COL28A1: variants seen among roughly 807,000 people sequenced by gnomAD.
COL28A1 encodes collagen type XXVIII alpha 1 chain, also known as collagen alpha-1(XXVIII) chain.
In COL28A1, 161 loss-of-function variants were observed where a neutral mutation model predicts 150.2. That is an observed-to-expected ratio of 1.07 (90% CI 0.94 to 1.22). The LOEUF is 1.22. Ranked by LOEUF, COL28A1 falls within the 50% of genes most tolerant of loss-of-function variation. The pLI, the probability that COL28A1 is intolerant of heterozygous loss-of-function variation, is 0.00. For synonymous variants in COL28A1, 552 were observed against 469.7 expected, an observed-to-expected ratio of 1.18 and a Z score of -2.26; for missense variants, 1,617 against 1,388.3, an observed-to-expected ratio of 1.16 and a Z score of -2.62.
intron 27 of COL28A1, among the ~76,000 whole-genome samples, chr7:7,405,935 T>C (rs139744014): frequency 6.6e-6 from 1 of 152,158 alleles, no homozygotes; most frequent in Non-Finnish European, 1.5e-5. Flanking sequence ...TACCCTATCA[T>C]GGGGCAAAAC....
chr7:7,532,966 T>G, intron 1 of COL28A1, 54 bp from the exon 2 acceptor site: 1 of 1,392,872 alleles, frequency 7.2e-7, no homozygotes, highest in Non-Finnish European at 9.3e-7. Flanking sequence ...TGTTTGTTAT[T>G]TTTAAATTTC....
chr7:7,365,077 C>T (rs1562469257), intron 33 of COL28A1, among the ~76,000 whole-genome samples: 1 of 152,080 alleles, frequency 6.6e-6, no homozygotes, highest in Admixed American at 6.6e-5. Flanking sequence ...CCAACACAAA[C>T]GACTGGCAGA....
chr7:7,354,564 GGCTTGTGATCA>G (rs1780306682), downstream of COL28A1, among the ~76,000 whole-genome samples: 1 of 152,212 alleles, frequency 6.6e-6, no homozygotes, highest in South Asian at 2.1e-4. Flanking sequence ...TTATTATAAA[GGCTTGTGATCA>G]GCTTGTGACA....
At chr7:7,522,037 A>G (rs763508679) in intron 4 of COL28A1, 76 bp from the exon 5 acceptor site, 1 of 803,114 alleles carries the variant, frequency 1.2e-6, no homozygotes, top group South Asian at 1.4e-5. Context: ...TTGTATTTCA[A>G]ATACATTTCA....
chr7:7,444,417 C>G lies in COL28A1; in HGVS notation c.1581+1G>C. 2.5e-6 allele frequency: 4 copies of G among 1,613,734 alleles called. No individual in the cohort carries two copies. Among genetic ancestry groups the G allele is most frequent in the Non-Finnish European group, 3.4e-6 (4 of 1,179,868 alleles). On this transcript the variant is annotated splice_donor_variant, in intron 19 of 34. Coordinates refer to ENST00000399429, the MANE Select transcript of COL28A1 (RefSeq NM_001037763.3). LOFTEE classifies it high-confidence loss of function. ...CAGTAATACGAAAAACTTGGTGTTA[C>G]CTTCTTCCCTGCAGCTCCATCTTCT...
chr7:7,538,017 G>C (rs1782708118), upstream of COL28A1, among the ~76,000 whole-genome samples: 1 of 152,132 alleles, frequency 6.6e-6, no homozygotes, highest in African/African-American at 2.4e-5. Context: ...GTTGGTGGGA[G>C]GTTGGAGTCC....
chr7:7,340,224 T>C, the COL28A1 span, among the ~76,000 whole-genome samples: 1 of 152,218 alleles, frequency 6.6e-6, no homozygotes, highest in South Asian at 2.1e-4. Flanking sequence ...CGGCCCATTA[T>C]TATTTTTTGG....
intron 3 of COL28A1, among the ~76,000 whole-genome samples, chr7:7,528,743 T>C (rs1322807297): frequency 1.3e-5 from 2 of 152,118 alleles, no homozygotes; most frequent in Admixed American, 6.5e-5. Flanking sequence ...AATGGGGTCT[T>C]ACAAAGAGAT....
rs1438437965 is a variant in COL28A1 at position 7,383,272 on chromosome 7, GTGTGTGTGTGTGTGTGTT to G, written c.2137-1678_2137-1661del. ...TTGTTGTGTGTGTGTGTGTGTGTGTGTGTGTGTGTGTGTGTGTTTTTTTTGAGACAGAGTCTCACTCTG... is the reference window on the plus strand; with the variant it reads ...TTGTTGTGTGTGTGTGTGTGTGTGTGTTTTTTGAGACAGAGTCTCACTCTG... On this transcript the variant is annotated intron_variant, in intron 27 of 34. Transcript: ENST00000399429. Among the ~76,000 whole-genome samples, 4 of 139,084 alleles carry G rather than the reference GTGTGTGTGTGTGTGTGTT, an allele frequency of 2.9e-5. No individual in the cohort carries two copies. The South Asian group carries it at 6.9e-4, about 24-fold the overall frequency. The allele number at this position is 139,084 out of a possible 152,430, so 91.2% of individuals were successfully genotyped here. A position where few individuals can be genotyped will look rare whatever the true frequency, so the allele number is the denominator to read the frequency against.
intron 9 of COL28A1, among the ~76,000 whole-genome samples, chr7:7,509,185 G>C (rs10952060): frequency 0.42 from 63,321 of 151,660 alleles, 14,074 homozygotes; most frequent in African/African-American, 0.58. Flanking sequence ...AACTGGAGTA[G>C]AGTGGCACAA....
chr7:7,356,685 G>T (rs1339022457), downstream of COL28A1: 1 of 151,090 alleles, frequency 6.6e-6, no homozygotes, highest in Non-Finnish European at 1.5e-5. Context: ...ACACACCAGG[G>T]CCTGTTGTGG....
At chr7:7,359,897 T>A (rs1191284080) in intron 34 of COL28A1, among the ~76,000 whole-genome samples, 2 of 152,152 alleles carry the variant, frequency 1.3e-5, no homozygotes, top group East Asian at 3.8e-4. Flanking sequence ...ACAAAAATTG[T>A]CTCTCATGTT....
chr7:7,477,250 G>T, intron 13 of COL28A1, 70 bp from the exon 14 acceptor site: 1 of 788,536 alleles, frequency 1.3e-6, no homozygotes, highest in Non-Finnish European at 2.2e-6. Context: ...TGAAAAAGAG[G>T]AAAGAGGAAG....
chr7:7,339,651 T>C, the COL28A1 span, among the ~76,000 whole-genome samples: 1 of 152,244 alleles, frequency 6.6e-6, no homozygotes, highest in East Asian at 1.9e-4. Context: ...TTTTCTTGCA[T>C]AAAACTTCTC....
At chr7:7,533,507 C>G (rs2115268115) in intron 1 of COL28A1, among the ~76,000 whole-genome samples, 1 of 152,168 alleles carries the variant, frequency 6.6e-6, no homozygotes, top group South Asian at 2.1e-4. Context: ...TTGTCTCCAC[C>G]AGGGGTTCAA....
upstream of COL28A1, among the ~76,000 whole-genome samples, chr7:7,536,897 CACTT>C (rs1431480749): frequency 6.6e-6 from 1 of 152,134 alleles, no homozygotes; most frequent in Non-Finnish European, 1.5e-5. Context: ...AGTAAGTCCT[CACTT>C]AATGTCCTCT....
chr7:7,389,555 G>C (rs1355567539), intron 27 of COL28A1, among the ~76,000 whole-genome samples: 2 of 152,172 alleles, frequency 1.3e-5, no homozygotes, highest in African/African-American at 4.8e-5. Context: ...TAGCTTGATA[G>C]GGATTGCATT....
At chr7:7,474,469 A>G (rs1788708547) in intron 15 of COL28A1, 132 bp downstream of exon 15, 2 of 490,678 alleles carry the variant, frequency 4.1e-6, no homozygotes, top group South Asian at 8.4e-5. Flanking sequence ...AAAAAAGAAT[A>G]TACTAGATTT....
intron 15 of COL28A1, among the ~76,000 whole-genome samples, chr7:7,463,741 A>T (rs149407815): frequency 6.6e-6 from 1 of 152,304 alleles, no homozygotes; most frequent in East Asian, 1.9e-4. Context: ...ATTTCACAGG[A>T]CCTATAAAAC....
Sources: gnomAD v4.1 joint callset for allele counts (sites outside exome capture counted in the v4.1 genomes callset) on GRCh38, gnomAD v4.1.1 for gene constraint, MANE v1.5 for transcripts, NCBI Gene and HGNC (gene_info 2026-07-23, HGNC 2026-07-21) for gene names.